FBXO42: variants seen among roughly 807,000 people sequenced by gnomAD.
FBXO42 encodes F-box protein 42, also known as F-box only protein 42.
FBXO42 carries 12 observed loss-of-function variants against 71.7 expected under a neutral mutation model. That is an observed-to-expected ratio of 0.17 (90% CI 0.11 to 0.27). FBXO42 has a LOEUF of 0.27. Ranked by LOEUF, FBXO42 falls within the 10% of genes least tolerant of loss-of-function variation. The probability of loss-of-function intolerance (pLI) is 1.00; values close to 1 mark genes in which losing one functional copy is unlikely to be tolerated. For synonymous variants in FBXO42, 325 were observed against 327.5 expected, an observed-to-expected ratio of 0.99 and a Z score of 0.08; for missense variants, 707 against 911.9, an observed-to-expected ratio of 0.78 and a Z score of 2.89.
At chr1:16,331,035 C>T (rs988898331) in intron 1 of FBXO42, among the ~76,000 whole-genome samples, 5 of 142,310 alleles carry the variant, frequency 3.5e-5, no homozygotes, top group Non-Finnish European at 7.7e-5. Context: ...GCAGGAGAAT[C>T]GCTTGAACCA....
chr1:16,278,012 A>G (rs1318934921), intron 4 of FBXO42, among the ~76,000 whole-genome samples: 1 of 151,472 alleles, frequency 6.6e-6, no homozygotes, highest in African/African-American at 2.4e-5. Flanking sequence ...ACTGTACTCC[A>G]GCCTGGGTGA....
chr1:16,315,236 A>G lies in FBXO42; in HGVS notation c.183T>C (p.Phe61=). The change falls in exon 2 of 10, where the codon TTT becomes TTC. Residue 61 remains phenylalanine, a synonymous_variant. Transcript: ENST00000375592. ...TTTTGTGTTCCTGATACGGTGAGAG[A>G]AAGGACAGGATATACTCCAAAACCT... ...PEEVLEYILS[F]LSPYQEHKTA... is the part of the protein sequence containing the mutation. 4.3e-6 allele frequency: 7 copies of G among 1,614,066 alleles called. No homozygotes were observed. The highest frequency in any genetic ancestry group is 1.3e-5 in the African/African-American group (1 of 75,004).
In FBXO42 at chr1:16,250,397, T is replaced by G. The variant is rs929603270; in HGVS notation, c.*273A>C. 6.5e-6 allele frequency: 1 copy of G among 154,534 alleles called. No individual in the cohort carries two copies. Among genetic ancestry groups the G allele is most frequent in the African/African-American group, 2.4e-5 (1 of 41,454 alleles). The allele number at this position is 154,534 out of a possible 1,614,324, so 9.6% of individuals were successfully genotyped here. ...AGGTAGAAAAAGGCAGCCCAGCCCC[T>G]GTTAAAACACAGCAACAACTTTATC... On this transcript the variant is annotated 3_prime_UTR_variant, in exon 10 of 10. Coordinates refer to ENST00000375592, the MANE Select transcript of FBXO42 (RefSeq NM_018994.3). The surrounding 1 kb of genome is among the most constrained non-coding windows in gnomAD (Gnocchi z 4.7).
At chr1:16,351,228 T>A (rs2082699998) in intron 1 of FBXO42, among the ~76,000 whole-genome samples, 1 of 152,118 alleles carries the variant, frequency 6.6e-6, no homozygotes, top group South Asian at 2.1e-4. Flanking sequence ...AAGCCATCAT[T>A]CCTCAAGAAA....
chr1:16,332,919 G>A (rs562415526), intron 1 of FBXO42, among the ~76,000 whole-genome samples: 2 of 152,254 alleles, frequency 1.3e-5, no homozygotes, highest in South Asian at 4.1e-4. Context: ...ATTTAACAAT[G>A]AGAAGAGTAG....
intron 1 of FBXO42, among the ~76,000 whole-genome samples, chr1:16,319,898 G>A (rs1246220281): frequency 6.7e-6 from 1 of 148,984 alleles, no homozygotes; most frequent in African/African-American, 2.5e-5. Flanking sequence ...GCAACAGAGT[G>A]AGACTCCATC....
chr1:16,300,893 CTTT>C (rs34549210), intron 3 of FBXO42, among the ~76,000 whole-genome samples: 11 of 100,890 alleles, frequency 1.1e-4, no homozygotes, highest in African/African-American at 3.7e-4. Flanking sequence ...TAGAATTGGC[CTTT>C]TTTTTTTTTT....
At chr1:16,296,656 A>G (rs1249909822) in intron 3 of FBXO42, among the ~76,000 whole-genome samples, 1 of 151,676 alleles carries the variant, frequency 6.6e-6, no homozygotes, top group Non-Finnish European at 1.5e-5. Context: ...TCTCAAAAAA[A>G]AAAAAAAAAA....
intron 3 of FBXO42, among the ~76,000 whole-genome samples, chr1:16,295,346 T>C (rs2082117473): frequency 6.6e-6 from 1 of 152,200 alleles, no homozygotes; most frequent in African/African-American, 2.4e-5. Context: ...GTTTTTGTTT[T>C]CAAATTAAAC....
chr1:16,345,069 A>G (rs902478620), intron 1 of FBXO42, among the ~76,000 whole-genome samples: 4 of 152,042 alleles, frequency 2.6e-5, no homozygotes, highest in African/African-American at 9.7e-5. Flanking sequence ...ATTGTACTCC[A>G]GCCTGAGAGA....
chr1:16,331,779 G>A (rs763339261), intron 1 of FBXO42, among the ~76,000 whole-genome samples: 12 of 151,926 alleles, frequency 7.9e-5, no homozygotes, highest in Admixed American at 3.9e-4. Flanking sequence ...AGCCAGGCGC[G>A]GTGGCTCATG....
At position 16,253,658 on chromosome 1, in the gene FBXO42, G is replaced by A. The variant is rs769950759; in HGVS notation, c.841C>T (p.His281Tyr). Residue 281 changes from histidine to tyrosine, a missense_variant, in exon 7 of 10, where the codon CAT becomes TAT. By Grantham distance (83) the His-to-Tyr change is moderately conservative. Transcript: ENST00000375592. Reference protein sequence around the residue: ...SKPNISGPSPHPRGGQSQIVI... With the variant: ...SKPNISGPSPYPRGGQSQIVI... ...ACCTGAGATTGGCCACCTCGAGGAT[G>A]AGGACTGGGGCCAGAGATGTTCGGC... 41 of 1,614,128 alleles carry A rather than the reference G, an allele frequency of 2.5e-5. No homozygotes were observed. The highest frequency in any genetic ancestry group is 1.8e-4 in the South Asian group (16 of 91,084).
chr1:16,345,902 T>G (rs1355656132), intron 1 of FBXO42, among the ~76,000 whole-genome samples: 3 of 150,052 alleles, frequency 2.0e-5, no homozygotes, highest in Admixed American at 2.0e-4. Flanking sequence ...CTAATTTCAC[T>G]TCAATGACAG....
At chr1:16,350,051 C>T (rs1231630086) in intron 1 of FBXO42, among the ~76,000 whole-genome samples, 3 of 152,118 alleles carry the variant, frequency 2.0e-5, no homozygotes, top group Non-Finnish European at 4.4e-5. Flanking sequence ...GAATCTTACT[C>T]AGGGTTTAAA....
At chr1:16,340,322 T>C (rs960302248) in intron 1 of FBXO42, among the ~76,000 whole-genome samples, 3 of 150,454 alleles carry the variant, frequency 2.0e-5, no homozygotes, top group African/African-American at 7.5e-5. Flanking sequence ...CCTTTGGTAG[T>C]ACTTTTTTTT....
At position 16,249,028 on chromosome 1, in the gene FBXO42, G is replaced by A. The variant is rs1225707943; in HGVS notation, c.*1642C>T. 1 of 152,286 alleles carries A rather than the reference G, an allele frequency of 6.6e-6. No individual in the cohort carries two copies. 9.4% of individuals were successfully genotyped at this position (152,286 alleles called of 1,614,324 possible). ...CCAGGACCCAGGGCCAGCTGCAGCA[G>A]GCTTTGTGCCTGAGAAACGCTAATA... On this transcript the variant is annotated 3_prime_UTR_variant, in exon 10 of 10. Coordinates refer to ENST00000375592, the MANE Select transcript of FBXO42 (RefSeq NM_018994.3).
At chr1:16,343,546 TA>T (rs1363462326) in intron 1 of FBXO42, among the ~76,000 whole-genome samples, 1 of 151,752 alleles carries the variant, frequency 6.6e-6, no homozygotes, top group African/African-American at 2.4e-5. Context: ...ACCCTGTGTC[TA>T]AAAAAATAAA....
intron 1 of FBXO42, among the ~76,000 whole-genome samples, chr1:16,322,636 A>C (rs2082417605): frequency 6.6e-6 from 1 of 152,254 alleles, no homozygotes; most frequent in East Asian, 1.9e-4. Flanking sequence ...ACTAAACACA[A>C]ATCAGTTTCT....
At position 16,247,118 on chromosome 1, in the gene FBXO42, T is replaced by G. The variant is rs1375760391; in HGVS notation, c.*3552A>C. The G allele has an allele frequency of 2.6e-5, 4 of 152,220 alleles. No homozygotes were observed. The highest frequency in any genetic ancestry group is 9.7e-5 in the African/African-American group (4 of 41,442). The allele number at this position is 152,220 out of a possible 1,614,324, so 9.4% of individuals were successfully genotyped here. A position where few individuals can be genotyped will look rare whatever the true frequency, so the allele number is the denominator to read the frequency against. On this transcript the variant is annotated 3_prime_UTR_variant, in exon 10 of 10. Coordinates refer to ENST00000375592, the MANE Select transcript of FBXO42 (RefSeq NM_018994.3). ...GGAGCAGAGCAAGTAGAGTGTACAATGGAGCCAACACCTAAAGTTTGCTCT... is the reference window on the plus strand; with the variant it reads ...GGAGCAGAGCAAGTAGAGTGTACAAGGGAGCCAACACCTAAAGTTTGCTCT...
Sources: allele counts gnomAD v4.1 joint callset (sites outside exome capture counted in the v4.1 genomes callset), GRCh38; gene constraint gnomAD v4.1.1; non-coding constraint Gnocchi (gnomAD v3.1); transcripts MANE v1.5; gene names NCBI Gene and HGNC (gene_info 2026-07-23, HGNC 2026-07-21).